The following EFTUD2 variants were observed in gnomAD, a reference collection of about 807,000 sequenced individuals.
EFTUD2 encodes the protein 116 kDa U5 small nuclear ribonucleoprotein component.
Under a neutral mutation model 114.3 loss-of-function variants are expected in EFTUD2, and 9 were observed. The observed-to-expected ratio is 0.08, with a 90% CI of 0.05 to 0.14. The LOEUF (loss-of-function observed/expected upper bound fraction) is 0.14. Ranked by LOEUF, EFTUD2 falls within the 10% of genes least tolerant of loss-of-function variation. EFTUD2 has a pLI of 1.00. For synonymous variants in EFTUD2, 449 were observed against 462.3 expected (o/e 0.97, Z 0.37); for missense variants, 765 against 1,241.2 (o/e 0.62, Z 5.76).
chr17:44,857,032 T>C, intron 20 of EFTUD2, 43 bp downstream of exon 20: 2 of 1,525,088 alleles, frequency 1.3e-6, no homozygotes, highest in Non-Finnish European at 1.8e-6. Context: ...AGAGAGAGTG[T>C]CCAGGAGGCT....
chr17:44,881,923 G>A lies in EFTUD2; in HGVS notation c.493-201C>T. 10 of 554,998 alleles carry A rather than the reference G, an allele frequency of 1.8e-5. No homozygotes were observed. In the South Asian group the frequency reaches 2.2e-4, roughly 12 times the overall value. The allele number at this position is 554,998 out of a possible 1,614,324, so 34.4% of individuals were successfully genotyped here. On this transcript the variant is annotated intron_variant, in intron 6 of 27. Coordinates refer to ENST00000426333, the MANE Select transcript of EFTUD2 (RefSeq NM_004247.4). ...CTGGAAATGCTCCTGGGTGTGTGGA[G>A]GGATTTTTTTATTTTTACTTTTTTG...
At chr17:44,895,363 G>A (rs1216563652) in intron 1 of EFTUD2, among the ~76,000 whole-genome samples, 1 of 152,116 alleles carries the variant, frequency 6.6e-6, no homozygotes, top group Non-Finnish European at 1.5e-5. Context: ...GGGTACGGTG[G>A]CTCACACCTG....
At chr17:44,851,981 G>C (rs994174884) in intron 26 of EFTUD2, among the ~76,000 whole-genome samples, 164 bp from the exon 27 acceptor site, 7 of 152,116 alleles carry the variant, frequency 4.6e-5, no homozygotes, top group Non-Finnish European at 1.0e-4. Context: ...ACAATGGCAT[G>C]ATCTCGGCTC....
At position 44,887,838 on chromosome 17, in the gene EFTUD2, T is replaced by C. The variant is rs73986414; in HGVS notation, c.106-1088A>G. 8.8e-3 allele frequency among the ~76,000 whole-genome samples: 1,348 copies of C among 152,320 alleles called. 16 individuals carry two copies. Among genetic ancestry groups the C allele is most frequent in the African/African-American group, 0.03 (1,264 of 41,564 alleles). ...TTAAATAACTTCAAATCTGCCTCCT[T>C]ACAAATTAACCCATAGTCATATGCA... On this transcript the variant is annotated intron_variant, in intron 2 of 27. Coordinates refer to ENST00000426333, the MANE Select transcript of EFTUD2 (RefSeq NM_004247.4).
Position 44,857,089 on chromosome 17 carries a change from T to G in EFTUD2, c.2031A>C (p.Glu677Asp). 6.2e-7 allele frequency: 1 copy of G among 1,613,920 alleles called. No individual in the cohort carries two copies. The highest frequency in any genetic ancestry group is 8.5e-7 in the Non-Finnish European group (1 of 1,179,842). Residue 677 changes from glutamate (E) to aspartate (D), a missense_variant, in exon 20 of 28, where the codon GAA (glutamate) becomes GAC (aspartate). By Grantham distance (45) the Glu-to-Asp change is conservative. This residue lies in a region of EFTUD2 where 166 missense variants were observed against 401.5 expected (regional missense o/e 0.41). Transcript: ENST00000426333. ...VETSSLKCFA[E>D]TPNKKNKITM... ...TCCCAGCTTACTTCTTATTAGGCGT[T>G]TCAGCAAAGCACTTGAGGGAGGATG...
At chr17:44,892,290 C>T (rs944093857) in intron 2 of EFTUD2, 17 of 152,166 alleles carry the variant, frequency 1.1e-4, no homozygotes, top group Non-Finnish European at 2.4e-4. Context: ...GAGTTCAACA[C>T]CAGCCTGAGC....
At position 44,872,587 on chromosome 17, in the gene EFTUD2, G is replaced by C. The variant is rs2050875312; in HGVS notation, c.870-17C>G. The C allele has an allele frequency of 4.4e-6, 7 of 1,595,198 alleles. No homozygotes were observed. The South Asian group carries it at 5.6e-5, about 13-fold the overall frequency. On this transcript the variant is annotated splice_polypyrimidine_tract_variant and intron_variant, in intron 10 of 27. Transcript: ENST00000426333. ...GAATACATGCTGAAACAGAGACAGT[G>C]GTGAACACAGTGCCAGGCTGCAGCA...
intron 9 of EFTUD2, among the ~76,000 whole-genome samples, chr17:44,876,754 G>A (rs1165729079): frequency 6.7e-6 from 1 of 149,912 alleles, no homozygotes; most frequent in African/African-American, 2.5e-5. Flanking sequence ...TTGGGAGGCT[G>A]AGGCAGGAGA....
chr17:44,875,358 G>C (rs958323543), intron 10 of EFTUD2, among the ~76,000 whole-genome samples: 1 of 151,990 alleles, frequency 6.6e-6, no homozygotes, highest in East Asian at 1.9e-4. Context: ...GTGAAACCCT[G>C]TCTCTACTAA....
intron 1 of EFTUD2, among the ~76,000 whole-genome samples, chr17:44,897,722 A>G (rs2145591824): frequency 6.6e-6 from 1 of 152,104 alleles, no homozygotes; most frequent in South Asian, 2.1e-4. Flanking sequence ...CCGCCATCAC[A>G]CTTGGCTAAT....
At chr17:44,863,901 A>G in intron 14 of EFTUD2, 119 bp from the exon 15 acceptor site, 1 of 1,369,298 alleles carries the variant, frequency 7.3e-7, no homozygotes, top group South Asian at 1.4e-5. Context: ...TGTTAGCTCT[A>G]AAAGCTCTGG....
chr17:44,867,678 A>G, intron 13 of EFTUD2, 129 bp downstream of exon 13: 1 of 655,250 alleles, frequency 1.5e-6, no homozygotes, highest in South Asian at 5.7e-5. Context: ...ACAATTAGTG[A>G]CCAACAACCA....
chr17:44,875,900 G>A (rs572953764), intron 10 of EFTUD2, 34 bp downstream of exon 10: 51 of 1,604,252 alleles, frequency 3.2e-5, no homozygotes, highest in South Asian at 1.5e-4. Context: ...CAGAGCCTCC[G>A]AGGACAGGAA....
At position 44,898,661 on chromosome 17, in the gene EFTUD2, G is replaced by A. The variant is rs531333807; in HGVS notation, c.-5+708C>T. ...CACCTTGTTCCTTTATTTCAATCAA[G>A]TCTCCACTAAAATGTCATCTTCTCT... On this transcript the variant is annotated intron_variant, in intron 1 of 27. Coordinates refer to ENST00000426333, the MANE Select transcript of EFTUD2 (RefSeq NM_004247.4). Among the ~76,000 whole-genome samples, 112 of 152,218 alleles carry A rather than the reference G, an allele frequency of 7.4e-4. 1 individual carries two copies. The highest frequency in any genetic ancestry group is 7.9e-4 in the Admixed American group (12 of 15,282).
At chr17:44,875,754 A>G (rs2050936149) in intron 10 of EFTUD2, 180 bp downstream of exon 10, 2 of 655,870 alleles carry the variant, frequency 3.0e-6, no homozygotes, top group South Asian at 4.0e-5. Context: ...CATAATAGTA[A>G]AATGAAGATG....
intron 6 of EFTUD2, among the ~76,000 whole-genome samples, chr17:44,882,452 CG>C (rs1345908871): frequency 1.3e-5 from 2 of 152,104 alleles, no homozygotes; most frequent in Non-Finnish European, 2.9e-5. Flanking sequence ...GATAGAGTTT[CG>C]CCATGTTGGC....
At chr17:44,887,222 T>TG (rs1432846786) in intron 2 of EFTUD2, among the ~76,000 whole-genome samples, 2 of 152,138 alleles carry the variant, frequency 1.3e-5, no homozygotes, top group Non-Finnish European at 2.9e-5. Context: ...ACACTGCTGA[T>TG]GGGAAAAAGG....
intron 10 of EFTUD2, among the ~76,000 whole-genome samples, chr17:44,874,444 C>G (rs906775406): frequency 6.6e-6 from 1 of 152,154 alleles, no homozygotes; most frequent in African/African-American, 2.4e-5. Flanking sequence ...TGAAGATATT[C>G]CTTTTGAAAA....
intron 26 of EFTUD2, 131 bp downstream of exon 26, chr17:44,852,278 G>T: frequency 9.0e-7 from 1 of 1,107,242 alleles, no homozygotes; most frequent in Non-Finnish European, 1.3e-6. Context: ...CTGAATATAT[G>T]CTCCCCAGAG....
Sources: allele counts gnomAD v4.1 joint callset (sites outside exome capture counted in the v4.1 genomes callset), GRCh38; gene constraint gnomAD v4.1.1; regional missense constraint gnomAD v4.1.1; transcripts MANE v1.5; gene names NCBI Gene and HGNC (gene_info 2026-07-23, HGNC 2026-07-21).